TIMP2: variants seen among roughly 807,000 people sequenced by gnomAD.
The protein encoded by TIMP2 is metalloproteinase inhibitor 2.
In TIMP2, 5 loss-of-function variants were observed where a neutral mutation model predicts 24.3. The observed-to-expected ratio is 0.21, with a 90% CI of 0.11 to 0.43. The LOEUF is 0.43. Among genes scored for constraint, TIMP2 ranks in the 20% least tolerant of loss-of-function variants. The pLI, the probability that TIMP2 is intolerant of heterozygous loss-of-function variation, is 1.00. For synonymous variants in TIMP2, 130 were observed against 123.2 expected (o/e 1.06, Z -0.37); for missense variants, 221 against 297.5 (o/e 0.74, Z 1.89).
chr17:78,866,764 A>G (rs937310236), intron 3 of TIMP2, among the ~76,000 whole-genome samples: 1 of 152,212 alleles, frequency 6.6e-6, no homozygotes, highest in African/African-American at 2.4e-5. Flanking sequence ...TGGAAACACG[A>G]AAGAAGCCGG....
intron 1 of TIMP2, chr17:78,898,598 A>G (rs4789937): frequency 0.96 from 147,048 of 152,388 alleles, 70,989 homozygotes; most frequent in African/African-American, 0.99. Context: ...GATCATCCCC[A>G]TCTTCTTTCT....
At chr17:78,870,544 T>G (rs138370638) in intron 3 of TIMP2, among the ~76,000 whole-genome samples, 1 of 152,292 alleles carries the variant, frequency 6.6e-6, no homozygotes, top group Non-Finnish European at 1.5e-5. Flanking sequence ...GCAGGTCTCG[T>G]GCATAGTATC....
intron 3 of TIMP2, among the ~76,000 whole-genome samples, chr17:78,868,355 A>T (rs2069637272): frequency 6.6e-6 from 1 of 151,900 alleles, no homozygotes; most frequent in Non-Finnish European, 1.5e-5. Context: ...GGTTCAAATG[A>T]TTCTCATGCC....
intron 1 of TIMP2, among the ~76,000 whole-genome samples, chr17:78,917,964 T>C (rs2070273834): frequency 6.6e-6 from 1 of 152,098 alleles, no homozygotes; most frequent in Non-Finnish European, 1.5e-5. Context: ...AAAAGACTCC[T>C]TTTAAATGGC....
intron 1 of TIMP2, among the ~76,000 whole-genome samples, chr17:78,913,244 G>A (rs777350837): frequency 6.6e-6 from 1 of 152,144 alleles, no homozygotes; most frequent in African/African-American, 2.4e-5. Flanking sequence ...TAACAACAGC[G>A]TTTGACCTGA....
chr17:78,876,641 T>C (rs1599151919), intron 1 of TIMP2, among the ~76,000 whole-genome samples: 1 of 151,038 alleles, frequency 6.6e-6, no homozygotes, highest in African/African-American at 2.4e-5. Flanking sequence ...CTCAGCCTCC[T>C]GAGTAGCTGG....
intron 1 of TIMP2, among the ~76,000 whole-genome samples, chr17:78,879,427 G>T (rs577053501): frequency 4.6e-5 from 7 of 152,326 alleles, no homozygotes; most frequent in African/African-American, 1.7e-4. Flanking sequence ...GAGACATAAG[G>T]AATCTGGGAA....
At position 78,924,987 on chromosome 17, in the gene TIMP2, C is replaced by T. The variant is rs537530463; in HGVS notation, c.102G>A (p.Pro34=). 1.6e-6 allele frequency: 2 copies of T among 1,282,322 alleles called. No homozygotes were observed. Among genetic ancestry groups the T allele is most frequent in the Admixed American group, 7.1e-5 (2 of 28,276 alleles). The allele number at this position is 1,282,322 out of a possible 1,614,324, so 79.4% of individuals were successfully genotyped here. ...CATCTGCATTGCAAAACGCCTGTTG[C>T]GGGTGCACCGGGGAGCAGCTGCAGG... is the stretch of plus-strand genomic sequence containing the variant. The part of the protein sequence containing the change: ...ADACSCSPVH[P]QQAFCNADVV... The change falls in exon 1 of 5, where the codon CCG becomes CCA. Residue 34 remains proline, a synonymous_variant. Coordinates refer to ENST00000262768, the MANE Select transcript of TIMP2 (RefSeq NM_003255.5). This position sits in a 1 kb window ranked among gnomAD's most constrained non-coding sequence, Gnocchi z 5.3.
chr17:78,905,608 A>G (rs961168984), intron 1 of TIMP2, among the ~76,000 whole-genome samples: 4 of 152,240 alleles, frequency 2.6e-5, no homozygotes, highest in African/African-American at 9.6e-5. Context: ...GCCCTTGCAG[A>G]ATGTCCAGCA....
At chr17:78,892,590 A>C in intron 1 of TIMP2, 1 of 1,386,580 alleles carries the variant, frequency 7.2e-7, no homozygotes, top group South Asian at 1.5e-5. Context: ...AGCTCTCTTG[A>C]CCCGTGCCCA....
Position 78,857,599 on chromosome 17 carries a change from T to G in TIMP2, c.388A>C (p.Ile130Leu). Residue 130 changes from isoleucine (I) to leucine (L), a missense_variant, in exon 4 of 5, where the codon ATC becomes CTC. Coordinates refer to ENST00000262768, the MANE Select transcript of TIMP2 (RefSeq NM_003255.5). ...GKMHITLCDF[I>L]VPWDTLSTTQ... ...GTGCTCAGGGTGTCCCAGGGCACGATGAAGTCACAGAGGGTGATGTGCATC... is the reference window on the plus strand; with the variant it reads ...GTGCTCAGGGTGTCCCAGGGCACGAGGAAGTCACAGAGGGTGATGTGCATC... The G allele has an allele frequency of 6.2e-7, 1 of 1,614,178 alleles. No homozygotes were observed. Among genetic ancestry groups the G allele is most frequent in the Non-Finnish European group, 8.5e-7 (1 of 1,180,028 alleles).
chr17:78,855,468 T>C lies in TIMP2; in HGVS notation c.*199A>G. 1.6e-6 allele frequency: 1 copy of C among 639,816 alleles called. No homozygotes were observed. Among genetic ancestry groups the C allele is most frequent in the Non-Finnish European group, 2.7e-6 (1 of 375,228 alleles). 39.6% of individuals were successfully genotyped at this position (639,816 alleles called of 1,614,324 possible). On this transcript the variant is annotated 3_prime_UTR_variant, in exon 5 of 5. Coordinates refer to ENST00000262768, the MANE Select transcript of TIMP2 (RefSeq NM_003255.5). The surrounding 1 kb of genome is among the most constrained non-coding windows in gnomAD (Gnocchi z 6.0). The stretch of plus-strand genomic sequence containing the variant: ...AGTGCCTGGCAGAGGGAGGATGGGA[T>C]GAGGACCTTGGACCCACGTCTCCCT...
intron 1 of TIMP2, among the ~76,000 whole-genome samples, chr17:78,912,279 G>A (rs1292334840): frequency 6.6e-6 from 1 of 152,238 alleles, no homozygotes. Context: ...AGCAGCAGCT[G>A]TTGGCGGGTG....
chr17:78,892,356 C>A (rs1048898212), intron 1 of TIMP2: 2 of 1,550,684 alleles, frequency 1.3e-6, no homozygotes, highest in Admixed American at 3.9e-5. Flanking sequence ...GCGAACCCAG[C>A]AGATACAGCT....
intron 1 of TIMP2, among the ~76,000 whole-genome samples, chr17:78,916,827 G>C (rs1215683203): frequency 6.6e-6 from 1 of 152,096 alleles, no homozygotes. Flanking sequence ...CTGTCCCCCT[G>C]TGGTACACTC....
At chr17:78,870,428 AG>A (rs56360301) in intron 3 of TIMP2, among the ~76,000 whole-genome samples, 2,540 of 20,230 alleles carry the variant, frequency 0.13, 93 homozygotes, top group Non-Finnish European at 0.21. Flanking sequence ...AAAAAAAGAA[AG>A]AAAGAAAGAA....
At chr17:78,875,560 T>A (rs1205480104) in intron 1 of TIMP2, among the ~76,000 whole-genome samples, 2 of 152,102 alleles carry the variant, frequency 1.3e-5, no homozygotes, top group Non-Finnish European at 2.9e-5. Context: ...TTCAAGGCCA[T>A]TAGTTGGTGA....
chr17:78,907,275 A>G (rs1037777653), intron 1 of TIMP2, among the ~76,000 whole-genome samples: 1 of 151,990 alleles, frequency 6.6e-6, no homozygotes, highest in African/African-American at 2.4e-5. Flanking sequence ...CCTCAAGGTG[A>G]TCCTCCCGCC....
At chr17:78,918,316 C>G (rs1173864819) in intron 1 of TIMP2, among the ~76,000 whole-genome samples, 2 of 152,190 alleles carry the variant, frequency 1.3e-5, no homozygotes, top group Admixed American at 6.5e-5. Flanking sequence ...AGTAGCTCAG[C>G]CCTCAGTTGT....
Sources: allele counts gnomAD v4.1 joint callset (sites outside exome capture counted in the v4.1 genomes callset), GRCh38; gene constraint gnomAD v4.1.1; non-coding constraint Gnocchi (gnomAD v3.1); transcripts MANE v1.5; gene names NCBI Gene and HGNC (gene_info 2026-07-23, HGNC 2026-07-21).